The following ZNF672 variants were observed in gnomAD, a reference collection of about 807,000 sequenced individuals.
ZNF672 encodes the protein hypothetical protein FLJ22301.
For missense variants in ZNF672, 733 were observed against 701.1 expected, an observed-to-expected ratio of 1.05 and a Z score of -0.51; for synonymous variants, 358 against 305.6, an observed-to-expected ratio of 1.17 and a Z score of -1.79.
chr1:248,839,381 C>G (rs1664632540), intron 1 of ZNF672: 1 of 152,226 alleles, frequency 6.6e-6, no homozygotes, highest in Admixed American at 6.5e-5. Flanking sequence ...GCCTGTTATC[C>G]TAGCACTTTG....
chr1:248,839,621 G>T (rs577233829), intron 1 of ZNF672, among the ~76,000 whole-genome samples: 1 of 152,202 alleles, frequency 6.6e-6, no homozygotes, highest in African/African-American at 2.4e-5. Flanking sequence ...TTCCAAGCTG[G>T]GTGACAGCAA....
At chr1:248,844,195 C>T (rs930917657) in intron 1 of ZNF672, among the ~76,000 whole-genome samples, 2 of 152,048 alleles carry the variant, frequency 1.3e-5, no homozygotes, top group African/African-American at 2.4e-5. Context: ...ATTAGCTTAT[C>T]TTCCTTCTTA....
Position 248,847,109 on chromosome 1 carries a change from C to G in ZNF672, c.-166C>G. On this transcript the variant is annotated 5_prime_UTR_variant, in exon 4 of 4. Coordinates refer to ENST00000306562, the MANE Select transcript of ZNF672 (RefSeq NM_024836.3). Reference sequence around the variant, plus strand: ...CACCCTGGAACAGCCACAATGTCTGCCCCTTAGAGAAGAACCCTGAAATCA... The same window carrying G: ...CACCCTGGAACAGCCACAATGTCTGGCCCTTAGAGAAGAACCCTGAAATCA... The G allele has an allele frequency of 2.2e-6, 2 of 890,820 alleles. No individual in the cohort carries two copies. Among genetic ancestry groups the G allele is most frequent in the Non-Finnish European group, 3.3e-6 (2 of 600,714 alleles). 55.2% of individuals were successfully genotyped at this position (890,820 alleles called of 1,614,324 possible).
At chr1:248,846,866 G>T (rs957382724) in intron 3 of ZNF672, among the ~76,000 whole-genome samples, 186 bp from the exon 4 acceptor site, 8 of 152,158 alleles carry the variant, frequency 5.3e-5, no homozygotes, top group Non-Finnish European at 1.0e-4. Flanking sequence ...TTTCCCTCCT[G>T]CCCTTCCAAG....
chr1:248,841,754 T>C (rs1242925794), intron 1 of ZNF672, among the ~76,000 whole-genome samples: 1 of 152,196 alleles, frequency 6.6e-6, no homozygotes, highest in African/African-American at 2.4e-5. Flanking sequence ...AAACCCCGTG[T>C]CTGCTAAAAA....
rs1429524789 is a variant in ZNF672, at chr1:248,848,298, G to C, written c.1024G>C (p.Glu342Gln). ...CACGGGCGAGAAGCCCTACCGCTGC[G>C]AACTGTGCGGCAAGCGGTTCACGTG... is the stretch of plus-strand genomic sequence containing the variant. ...THTGEKPYRC[E>Q]LCGKRFTCVS... Residue 342 changes from glutamate (E) to glutamine (Q), a missense_variant, in exon 4 of 4, where the codon GAA (glutamate) becomes CAA (glutamine). By Grantham distance (29) the Glu-to-Gln change is conservative (BLOSUM62 2). Transcript: ENST00000306562. The C allele has an allele frequency of 6.2e-7, 1 of 1,602,622 alleles. No individual in the cohort carries two copies. The highest frequency in any genetic ancestry group is 1.7e-5 in the Admixed American group (1 of 59,990).
chr1:248,844,988 C>T (rs913847410), intron 2 of ZNF672, among the ~76,000 whole-genome samples: 2 of 152,228 alleles, frequency 1.3e-5, no homozygotes, highest in African/African-American at 2.4e-5. Context: ...CCAGCCTGGG[C>T]GTGATGGCTC....
Position 248,847,182 on chromosome 1 carries a change from T to C in ZNF672, c.-93T>C. 6.8e-7 allele frequency: 1 copy of C among 1,481,426 alleles called. No individual in the cohort carries two copies. Among genetic ancestry groups the C allele is most frequent in the Non-Finnish European group, 9.0e-7 (1 of 1,105,202 alleles). The allele number at this position is 1,481,426 out of a possible 1,614,324, so 91.8% of individuals were successfully genotyped here. On this transcript the variant is annotated 5_prime_UTR_variant, in exon 4 of 4. Coordinates refer to ENST00000306562, the MANE Select transcript of ZNF672 (RefSeq NM_024836.3). ...CTTTCCTCTCTGTTACAGTGCCCTTTCCAGGCCTTAAGAGAAGTAAAACTT... is the reference window on the plus strand; with the variant it reads ...CTTTCCTCTCTGTTACAGTGCCCTTCCCAGGCCTTAAGAGAAGTAAAACTT...
intron 2 of ZNF672, 83 bp from the exon 3 acceptor site, chr1:248,845,482 CT>C (rs1664742353): frequency 6.6e-6 from 1 of 152,106 alleles, no homozygotes; most frequent in South Asian, 2.1e-4. Context: ...AAATACCCTC[CT>C]CCAGAAAACA....
chr1:248,842,531 G>A (rs909558509), intron 1 of ZNF672, among the ~76,000 whole-genome samples: 14 of 152,064 alleles, frequency 9.2e-5, no homozygotes, highest in African/African-American at 2.7e-4. Flanking sequence ...CGAGGGAGGT[G>A]TGGAGGCAGG....
chr1:248,848,812 T>G lies in ZNF672; in HGVS notation c.*179T>G. 2 of 921,656 alleles carry G rather than the reference T, an allele frequency of 2.2e-6. No individual in the cohort carries two copies. Among genetic ancestry groups the G allele is most frequent in the South Asian group, 1.4e-5 (1 of 70,598 alleles). 57.1% of individuals were successfully genotyped at this position (921,656 alleles called of 1,614,324 possible). ...CCTCCTGCCTCGCCTCTACACCTAC[T>G]ACCCTGTCGGCCCTTTTGCCATGCT... is the stretch of plus-strand genomic sequence containing the variant. On this transcript the variant is annotated 3_prime_UTR_variant, in exon 4 of 4. Transcript: ENST00000306562.
chr1:248,838,709 G>T (rs917938162), intron 1 of ZNF672, 158 bp downstream of exon 1: 3 of 152,328 alleles, frequency 2.0e-5, no homozygotes, highest in Admixed American at 2.0e-4. Flanking sequence ...CGGGGCGAGC[G>T]ATTGGCCGGA....
intron 3 of ZNF672, among the ~76,000 whole-genome samples, chr1:248,846,591 C>T (rs1217518512): frequency 1.3e-5 from 2 of 152,184 alleles, no homozygotes; most frequent in Non-Finnish European, 2.9e-5. Flanking sequence ...TTTGTTCTTC[C>T]AGCCCAAGTC....
At chr1:248,841,620 C>CT (rs1385463236) in intron 1 of ZNF672, among the ~76,000 whole-genome samples, 1 of 152,222 alleles carries the variant, frequency 6.6e-6, no homozygotes, top group African/African-American at 2.4e-5. Flanking sequence ...GAAACCAAAA[C>CT]TTTCAAAAGA....
chr1:248,846,959 A>C, intron 3 of ZNF672, 93 bp from the exon 4 acceptor site: 1 of 306,150 alleles, frequency 3.3e-6, no homozygotes, highest in Non-Finnish European at 6.2e-6. Flanking sequence ...GAGATGGACT[A>C]CCTAAAGAAG....
chr1:248,848,831 C>T lies in ZNF672; in HGVS notation c.*198C>T, dbSNP rs1169543114. On this transcript the variant is annotated 3_prime_UTR_variant, in exon 4 of 4. Coordinates refer to ENST00000306562, the MANE Select transcript of ZNF672 (RefSeq NM_024836.3). ...ACCTACTACCCTGTCGGCCCTTTTG[C>T]CATGCTGTCCTCGTATAACTCGGAT... is the stretch of plus-strand genomic sequence containing the variant. 4.9e-6 allele frequency: 4 copies of T among 823,902 alleles called. No individual in the cohort carries two copies. The highest frequency in any genetic ancestry group is 6.2e-6 in the Non-Finnish European group (3 of 484,010). The allele number at this position is 823,902 out of a possible 1,614,324, so 51.0% of individuals were successfully genotyped here.
At chr1:248,843,570 C>A (rs1038819765) in intron 1 of ZNF672, among the ~76,000 whole-genome samples, 2 of 152,184 alleles carry the variant, frequency 1.3e-5, no homozygotes, top group Non-Finnish European at 1.5e-5. Context: ...GGCCAGCCTC[C>A]TTTCAAATGT....
intron 1 of ZNF672, among the ~76,000 whole-genome samples, chr1:248,839,671 A>G (rs1036273135): frequency 6.6e-6 from 1 of 151,770 alleles, no homozygotes; most frequent in Non-Finnish European, 1.5e-5. Context: ...AACAACAAGA[A>G]GGACTGTCCT....
chr1:248,842,951 G>C (rs1009860818), intron 1 of ZNF672, among the ~76,000 whole-genome samples: 1 of 152,152 alleles, frequency 6.6e-6, no homozygotes, highest in Non-Finnish European at 1.5e-5. Flanking sequence ...GGCGCCAAGT[G>C]CTGGTTCTTG....
Sources: allele counts gnomAD v4.1 joint callset (sites outside exome capture counted in the v4.1 genomes callset), GRCh38; gene constraint gnomAD v4.1.1; transcripts MANE v1.5; gene names NCBI Gene and HGNC (gene_info 2026-07-23, HGNC 2026-07-21).